TM6SF1: variants seen among roughly 807,000 people sequenced by gnomAD.
TM6SF1 encodes the protein transmembrane 6 superfamily member 1.
Under a neutral mutation model 47.1 loss-of-function variants are expected in TM6SF1, and 43 were observed. The ratio of observed to expected loss-of-function variants is 0.91; its 90% CI spans 0.72 to 1.18. The LOEUF (loss-of-function observed/expected upper bound fraction) is 1.18, where lower values mean the gene tolerates loss of function less well. TM6SF1 is among the 50% of genes most tolerant of loss of function. The pLI is 0.00. For missense variants in TM6SF1, 390 were observed against 449.0 expected (o/e 0.87, Z 1.19); for synonymous variants, 177 against 166.3 (o/e 1.06, Z -0.49).
Position 83,137,375 on chromosome 15 carries a change from T to C in TM6SF1, c.*703T>C, listed in dbSNP as rs1490865511. 5 of 152,172 alleles carry C rather than the reference T, an allele frequency of 3.3e-5. No homozygotes were observed. The highest frequency in any genetic ancestry group is 2.1e-4 in the South Asian group (1 of 4,834). The allele number at this position is 152,172 out of a possible 1,614,324, so 9.4% of individuals were successfully genotyped here. A position where few individuals can be genotyped will look rare whatever the true frequency, so the allele number is the denominator to read the frequency against. On this transcript the variant is annotated 3_prime_UTR_variant, in exon 10 of 10. Transcript: ENST00000322019. The stretch of plus-strand genomic sequence containing the variant: ...TGGCCTCTTATAAAGACAAATCTTA[T>C]TAAATTTGAAACATTTCATATATAC...
intron 9 of TM6SF1, chr15:83,132,230 A>G (rs949999563): frequency 6.6e-6 from 1 of 152,268 alleles, no homozygotes; most frequent in African/African-American, 2.4e-5. Context: ...TTACTGGTAG[A>G]AGATTCCCAG....
chr15:83,109,711 C>A (rs1481181623), intron 1 of TM6SF1, among the ~76,000 whole-genome samples: 1 of 152,144 alleles, frequency 6.6e-6, no homozygotes, highest in Non-Finnish European at 1.5e-5. Context: ...AGCCCCGCTG[C>A]GTGTTTCTCG....
At chr15:83,113,443 T>A (rs575734589) in intron 2 of TM6SF1, 1 of 154,576 alleles carries the variant, frequency 6.5e-6, no homozygotes, top group South Asian at 2.0e-4. Flanking sequence ...CTAAGAAATG[T>A]GGCAAAGGTC....
At chr15:83,128,977 T>C (rs1191614907) in intron 9 of TM6SF1, 1 of 152,146 alleles carries the variant, frequency 6.6e-6, no homozygotes, top group Non-Finnish European at 1.5e-5. Flanking sequence ...ACTACAGACA[T>C]ACACCACCGC....
At chr15:83,111,382 C>T (rs1208259675) in intron 1 of TM6SF1, among the ~76,000 whole-genome samples, 2 of 152,024 alleles carry the variant, frequency 1.3e-5, no homozygotes, top group Non-Finnish European at 2.9e-5. Flanking sequence ...TCTATTCACC[C>T]ATCATCCACC....
At chr15:83,125,828 GT>G (rs2151373915) in intron 7 of TM6SF1, among the ~76,000 whole-genome samples, 1 of 152,294 alleles carries the variant, frequency 6.6e-6, no homozygotes, top group African/African-American at 2.4e-5. Flanking sequence ...GTGAGAAGCT[GT>G]TTTAAGAGTT....
At chr15:83,124,547 G>T in intron 6 of TM6SF1, 125 bp from the exon 7 acceptor site, 1 of 701,218 alleles carries the variant, frequency 1.4e-6, no homozygotes, top group South Asian at 1.9e-5. Context: ...CATGGCCAGT[G>T]ATTTATGATA....
chr15:83,125,151 G>C (rs1362632840), intron 7 of TM6SF1, among the ~76,000 whole-genome samples: 1 of 152,214 alleles, frequency 6.6e-6, no homozygotes, highest in African/African-American at 2.4e-5. Flanking sequence ...GCATCCCTGT[G>C]TTCTCAGGAG....
intron 9 of TM6SF1, chr15:83,134,130 G>A (rs999529891): frequency 1.3e-5 from 2 of 152,044 alleles, no homozygotes; most frequent in Non-Finnish European, 2.9e-5. Flanking sequence ...GTTGTTGAAC[G>A]TTTATTGAGC....
intron 1 of TM6SF1, among the ~76,000 whole-genome samples, chr15:83,112,210 T>G (rs936846807): frequency 3.9e-5 from 6 of 152,212 alleles, no homozygotes; most frequent in Non-Finnish European, 8.8e-5. Flanking sequence ...TTCTGGGGTG[T>G]TGGGCTATCT....
At chr15:83,134,163 C>T (rs1294233605) in intron 9 of TM6SF1, 3 of 152,068 alleles carry the variant, frequency 2.0e-5, no homozygotes, top group African/African-American at 7.2e-5. Flanking sequence ...ACAGGTGCCA[C>T]ACAAAACATT....
chr15:83,110,000 C>T (rs953186195), intron 1 of TM6SF1, among the ~76,000 whole-genome samples: 2 of 152,190 alleles, frequency 1.3e-5, no homozygotes, highest in Non-Finnish European at 2.9e-5. Flanking sequence ...TAAGAACTTA[C>T]CTGCCCCGGC....
chr15:83,117,644 G>A (rs994824179), intron 3 of TM6SF1, among the ~76,000 whole-genome samples: 31 of 152,176 alleles, frequency 2.0e-4, no homozygotes, highest in African/African-American at 7.2e-4. Flanking sequence ...GGGCAGACGG[G>A]GTATCAGAAG....
chr15:83,127,051 G>T (rs1458440412), intron 8 of TM6SF1, among the ~76,000 whole-genome samples: 1 of 151,950 alleles, frequency 6.6e-6, no homozygotes. Flanking sequence ...AAAACTAGCC[G>T]GGCATGGTGG....
rs747005708 is a variant in TM6SF1 at position 83,119,662 on chromosome 15, G to A, written c.379G>A (p.Val127Met). Residue 127 changes from valine (V) to methionine (M), a missense_variant, in exon 4 of 10, where the codon GTG (valine) becomes ATG (methionine). Val to Met is a conservative substitution (Grantham distance 21, BLOSUM62 1). Coordinates refer to ENST00000322019, the MANE Select transcript of TM6SF1 (RefSeq NM_023003.5). ...TCATTATCTGATGTACCTGGTGATGGTGGCAGCCATAGCATGGGAGTAAGT... is the reference window on the plus strand; with the variant it reads ...TCATTATCTGATGTACCTGGTGATGATGGCAGCCATAGCATGGGAGTAAGT... ...SAHYLMYLVMVAAIAWEETYR... is the reference protein window; with the variant it reads ...SAHYLMYLVMMAAIAWEETYR... The A allele has an allele frequency of 1.1e-4, 179 of 1,614,062 alleles. No individual in the cohort carries two copies. Among genetic ancestry groups the A allele is most frequent in the Non-Finnish European group, 1.5e-4 (173 of 1,180,018 alleles).
intron 2 of TM6SF1, chr15:83,113,187 C>G: frequency 2.1e-6 from 1 of 479,564 alleles, no homozygotes; most frequent in South Asian, 2.3e-5. Context: ...GACCTCGACT[C>G]TCATGCTAGC....
intron 9 of TM6SF1, chr15:83,130,434 G>A (rs2036149888): frequency 6.6e-6 from 1 of 152,284 alleles, no homozygotes; most frequent in South Asian, 2.1e-4. Context: ...GCATCCTGGG[G>A]CTTATCCATC....
intron 2 of TM6SF1, 53 bp downstream of exon 2, chr15:83,112,953 T>C (rs890513796): frequency 2.0e-5 from 28 of 1,388,948 alleles, no homozygotes; most frequent in Non-Finnish European, 2.8e-5. Flanking sequence ...CACAATACTT[T>C]CAGCCTCAGT....
At chr15:83,129,296 G>A (rs2036038037) in intron 9 of TM6SF1, 1 of 152,186 alleles carries the variant, frequency 6.6e-6, no homozygotes, top group Admixed American at 6.5e-5. Flanking sequence ...CTCTGCTGCT[G>A]TAACAAATAC....
Sources: gnomAD v4.1 joint callset for allele counts (sites outside exome capture counted in the v4.1 genomes callset) on GRCh38, gnomAD v4.1.1 for gene constraint, MANE v1.5 for transcripts, NCBI Gene and HGNC (gene_info 2026-07-23, HGNC 2026-07-21) for gene names.